Variants in C3orf70 observed in about 807,000 individuals in gnomAD.
The protein encoded by C3orf70 is chromosome 3 open reading frame 70, also known as UPF0524 protein C3orf70.
C3orf70 carries 15 observed loss-of-function variants against 20.7 expected under a neutral mutation model. The ratio of observed to expected loss-of-function variants is 0.72; its 90% CI spans 0.48 to 1.11. The LOEUF (loss-of-function observed/expected upper bound fraction) is 1.11, where lower values mean the gene tolerates loss of function less well. C3orf70 is among the 50% of genes most tolerant of loss of function. The pLI, the probability that C3orf70 is intolerant of heterozygous loss-of-function variation, is 0.00. For synonymous variants in C3orf70, 161 were observed against 125.7 expected (o/e 1.28, Z -1.88); for missense variants, 332 against 317.6 (o/e 1.05, Z -0.34).
At chr3:185,129,650 T>G (rs1716488585) in intron 1 of C3orf70, among the ~76,000 whole-genome samples, 1 of 152,250 alleles carries the variant, frequency 6.6e-6, no homozygotes, top group Non-Finnish European at 1.5e-5. Flanking sequence ...CTTTCCACAG[T>G]GACTGAACTA....
At chr3:185,096,938 C>T (rs937924182) in intron 1 of C3orf70, among the ~76,000 whole-genome samples, 4 of 152,154 alleles carry the variant, frequency 2.6e-5, no homozygotes, top group African/African-American at 7.2e-5. Context: ...TCTCTGCTGT[C>T]CTTTGGGCTG....
chr3:185,091,345 T>C (rs1409955095), intron 1 of C3orf70, among the ~76,000 whole-genome samples: 3 of 152,142 alleles, frequency 2.0e-5, no homozygotes, highest in African/African-American at 7.2e-5. Flanking sequence ...ATAAAGTTTC[T>C]GAGGAAGACT....
chr3:185,131,417 T>TA (rs1441674459), intron 1 of C3orf70, among the ~76,000 whole-genome samples: 2 of 152,230 alleles, frequency 1.3e-5, no homozygotes, highest in Non-Finnish European at 2.9e-5. Context: ...TGAAGTCTGA[T>TA]ATCCGGTTAA....
intron 1 of C3orf70, among the ~76,000 whole-genome samples, chr3:185,132,925 T>C (rs1002027801): frequency 6.6e-6 from 1 of 152,144 alleles, no homozygotes; most frequent in African/African-American, 2.4e-5. Context: ...ACAGATATCT[T>C]TCAAAGGAAT....
At chr3:185,146,579 T>G (rs888093511) in intron 1 of C3orf70, among the ~76,000 whole-genome samples, 1 of 152,190 alleles carries the variant, frequency 6.6e-6, no homozygotes, top group Non-Finnish European at 1.5e-5. Flanking sequence ...TGAGCCACCA[T>G]GCCCGGCAGA....
intron 1 of C3orf70, among the ~76,000 whole-genome samples, chr3:185,120,237 T>C (rs1038496072): frequency 7.3e-4 from 111 of 152,202 alleles, no homozygotes; most frequent in African/African-American, 2.6e-3. Flanking sequence ...ATTTTGAAAA[T>C]TATTCATTTG....
At chr3:185,128,564 A>G (rs1716462422) in intron 1 of C3orf70, among the ~76,000 whole-genome samples, 1 of 151,838 alleles carries the variant, frequency 6.6e-6, no homozygotes, top group Non-Finnish European at 1.5e-5. Flanking sequence ...TAATGAAATC[A>G]GAGAAGTTTT....
chr3:185,096,784 ACCT>A (rs1180029596), intron 1 of C3orf70, among the ~76,000 whole-genome samples: 5 of 151,650 alleles, frequency 3.3e-5, no homozygotes, highest in African/African-American at 9.7e-5. Flanking sequence ...TATTCTGAAG[ACCT>A]CCTGCCCACA....
chr3:185,144,468 G>GTTTA (rs1327066836), intron 1 of C3orf70, among the ~76,000 whole-genome samples: 4 of 152,054 alleles, frequency 2.6e-5, no homozygotes, highest in East Asian at 1.9e-4. Context: ...GCAATATATT[G>GTTTA]TTTATTTATT....
chr3:185,091,947 ATATATATATATATATATTTTTTTT>A (rs1715594018), intron 1 of C3orf70, among the ~76,000 whole-genome samples: 1 of 14,122 alleles, frequency 7.1e-5, no homozygotes, highest in African/African-American at 3.7e-4. Flanking sequence ...ATATATATAT[ATATATATATATATATATTTTTTTT>A]TTTTTTTAGT....
At chr3:185,109,672 GAC>G (rs1484812582) in intron 1 of C3orf70, among the ~76,000 whole-genome samples, 1 of 152,192 alleles carries the variant, frequency 6.6e-6, no homozygotes, top group Non-Finnish European at 1.5e-5. Context: ...AACAAGGGCT[GAC>G]ACAGAGAACA....
Position 185,099,091 on chromosome 3 carries a change from T to C in C3orf70, c.197-15528A>G, listed in dbSNP as rs200782623. Among the ~76,000 whole-genome samples the C allele has an allele frequency of 5.3e-5, 8 of 152,326 alleles. No individual in the cohort carries two copies. In the East Asian group the frequency reaches 1.5e-3, roughly 29 times the overall value. On this transcript the variant is annotated intron_variant, in intron 1 of 1. Coordinates refer to ENST00000335012, the MANE Select transcript of C3orf70 (RefSeq NM_001025266.3). Reference sequence around the variant, plus strand: ...GTAAGATATAGCCATAACACTATAATCCAATATGACCAATTTTAATTTTAA... The same window carrying C: ...GTAAGATATAGCCATAACACTATAACCCAATATGACCAATTTTAATTTTAA...
At chr3:185,091,925 A>C (rs1405675692) in intron 1 of C3orf70, among the ~76,000 whole-genome samples, 1 of 4,098 alleles carries the variant, frequency 2.4e-4, no homozygotes, top group Non-Finnish European at 4.3e-4. Flanking sequence ...ATATATATAT[A>C]TATATATATA....
chr3:185,152,104 G>A (rs575463940), intron 1 of C3orf70, among the ~76,000 whole-genome samples: 4 of 152,254 alleles, frequency 2.6e-5, no homozygotes, highest in African/African-American at 9.6e-5. Flanking sequence ...CCACATTAGC[G>A]CTTTTTCTCA....
intron 1 of C3orf70, among the ~76,000 whole-genome samples, chr3:185,131,796 T>G (rs1195146758): frequency 6.6e-6 from 1 of 152,228 alleles, no homozygotes; most frequent in Admixed American, 6.5e-5. Flanking sequence ...GGCTTTTTGG[T>G]TTCTGTAACC....
chr3:185,110,143 T>C (rs1263993411), intron 1 of C3orf70, among the ~76,000 whole-genome samples: 1 of 152,240 alleles, frequency 6.6e-6, no homozygotes, highest in Non-Finnish European at 1.5e-5. Context: ...CTGTAGGAGC[T>C]AAACACAAAG....
intron 1 of C3orf70, among the ~76,000 whole-genome samples, chr3:185,088,818 T>C (rs1226662665): frequency 6.6e-6 from 1 of 152,234 alleles, no homozygotes; most frequent in African/African-American, 2.4e-5. Context: ...ACTGTGGTGT[T>C]TGCCAAACTG....
intron 1 of C3orf70, among the ~76,000 whole-genome samples, chr3:185,151,240 T>TA (rs1294822085): frequency 2.0e-5 from 3 of 152,190 alleles, no homozygotes; most frequent in African/African-American, 7.2e-5. Flanking sequence ...ACGGTGTACT[T>TA]AGAGAAGACA....
intron 1 of C3orf70, among the ~76,000 whole-genome samples, chr3:185,136,809 A>G (rs1287790509): frequency 1.3e-5 from 2 of 150,880 alleles, no homozygotes; most frequent in African/African-American, 4.9e-5. Flanking sequence ...CTACTCAGGA[A>G]CGAGGCAGGA....
Sources: gnomAD v4.1 joint callset for allele counts (sites outside exome capture counted in the v4.1 genomes callset) on GRCh38, gnomAD v4.1.1 for gene constraint, MANE v1.5 for transcripts, NCBI Gene and HGNC (gene_info 2026-07-23, HGNC 2026-07-21) for gene names.